The following PRKG1 variants were observed in gnomAD, a reference collection of about 807,000 sequenced individuals.
The protein encoded by PRKG1 is cGMP-dependent protein kinase 1.
In PRKG1, 35 loss-of-function variants were observed where a neutral mutation model predicts 88.1. The observed-to-expected ratio is 0.40, with a 90% CI of 0.30 to 0.53. The LOEUF (loss-of-function observed/expected upper bound fraction) is 0.53. Among genes scored for constraint, PRKG1 ranks in the 20% least tolerant of loss-of-function variants. PRKG1 has a pLI of 0.59. For synonymous variants in PRKG1, 303 were observed against 292.5 expected, an observed-to-expected ratio of 1.04 and a Z score of -0.37; for missense variants, 540 against 839.8, an observed-to-expected ratio of 0.64 and a Z score of 4.41.
chr10:51,088,715 T>A (rs16913683), intron 1 of PRKG1, among the ~76,000 whole-genome samples: 3,135 of 152,134 alleles, frequency 0.021, 94 homozygotes, highest in East Asian at 0.14. Context: ...CAGAAAATAG[T>A]AAGTTACATG....
intron 1 of PRKG1, among the ~76,000 whole-genome samples, chr10:51,040,274 C>A (rs1274567787): frequency 3.6e-5 from 2 of 56,246 alleles, no homozygotes; most frequent in Non-Finnish European, 8.2e-5. Flanking sequence ...GTGTGTGTGA[C>A]CTCTTTAATT....
At chr10:51,927,111 A>G (rs564798149) in intron 5 of PRKG1, among the ~76,000 whole-genome samples, 36 of 152,176 alleles carry the variant, frequency 2.4e-4, no homozygotes, top group Non-Finnish European at 1.8e-4. Flanking sequence ...TCAATAGATG[A>G]TATGGTTTGA....
At chr10:51,766,039 A>G (rs1048929877) in intron 3 of PRKG1, among the ~76,000 whole-genome samples, 1 of 152,006 alleles carries the variant, frequency 6.6e-6, no homozygotes, top group Non-Finnish European at 1.5e-5. Flanking sequence ...AGTCACACCA[A>G]TGCACCACAA....
In PRKG1 at chr10:52,296,789, C is replaced by T. The variant is rs1261585472; in HGVS notation, c.*2889C>T. 1.3e-5 allele frequency: 2 copies of T among 152,038 alleles called. No homozygotes were observed. Among genetic ancestry groups the T allele is most frequent in the Non-Finnish European group, 2.9e-5 (2 of 67,956 alleles). 9.4% of individuals were successfully genotyped at this position (152,038 alleles called of 1,614,324 possible). A position where few individuals can be genotyped will look rare whatever the true frequency, so the allele number is the denominator to read the frequency against. On this transcript the variant is annotated 3_prime_UTR_variant, in exon 18 of 18. Transcript: ENST00000373980. ...TGAAAAAATAATTTCTGGAAAAACG[C>T]TATACATGCTTTTTATGTTTATATC...
At chr10:51,166,798 T>G (rs2131999525) in intron 2 of PRKG1, among the ~76,000 whole-genome samples, 1 of 152,350 alleles carries the variant, frequency 6.6e-6, no homozygotes, top group Admixed American at 6.5e-5. Flanking sequence ...TGTTTCCACC[T>G]GCAGAAAGGG....
intron 7 of PRKG1, among the ~76,000 whole-genome samples, chr10:52,099,663 G>C (rs1847251321): frequency 6.6e-6 from 1 of 152,142 alleles, no homozygotes; most frequent in South Asian, 2.1e-4. Flanking sequence ...TCACACAAAA[G>C]TAAAAAGTGA....
At chr10:51,443,549 A>C (rs1347046415) in intron 2 of PRKG1, among the ~76,000 whole-genome samples, 1 of 152,018 alleles carries the variant, frequency 6.6e-6, no homozygotes, top group African/African-American at 2.4e-5. Context: ...GACTTCTCTG[A>C]TAAAGATAAT....
intron 2 of PRKG1, among the ~76,000 whole-genome samples, chr10:51,306,055 G>A (rs1200863583): frequency 6.6e-6 from 1 of 152,134 alleles, no homozygotes; most frequent in Non-Finnish European, 1.5e-5. Flanking sequence ...CTGGAAAGTA[G>A]ACATTATATG....
intron 3 of PRKG1, among the ~76,000 whole-genome samples, chr10:51,563,361 G>C (rs892805038): frequency 2.2e-4 from 34 of 152,026 alleles, no homozygotes; most frequent in African/African-American, 7.5e-4. Flanking sequence ...TATTTATCCT[G>C]ATCCGATCAC....
intron 3 of PRKG1, among the ~76,000 whole-genome samples, chr10:51,611,651 AT>A (rs763522591): frequency 0.016 from 2,028 of 128,872 alleles, 13 homozygotes; most frequent in African/African-American, 0.033. Context: ...CCATTTGTCT[AT>A]TTTTTTTTTT....
rs566612845 is a variant in PRKG1, at chr10:51,444,098, G to A, written c.479-23625G>A. Among the ~76,000 whole-genome samples the A allele has an allele frequency of 4.6e-5, 7 of 150,700 alleles. No homozygotes were observed. In the South Asian group the frequency reaches 1.3e-3, roughly 27 times the overall value. On this transcript the variant is annotated intron_variant, in intron 2 of 17. Coordinates refer to ENST00000373980, the MANE Select transcript of PRKG1 (RefSeq NM_006258.4). ...CATGATCAGAGGAGGAAAAAAGAGA[G>A]TACAGGAAAAAAAATATGGCAATAT...
At chr10:51,816,832 T>C (rs1330720750) in intron 4 of PRKG1, among the ~76,000 whole-genome samples, 1 of 152,168 alleles carries the variant, frequency 6.6e-6, no homozygotes, top group African/African-American at 2.4e-5. Flanking sequence ...GTTTTCCCTG[T>C]TGGCTGGAGG....
chr10:51,554,646 C>G (rs371199959), intron 3 of PRKG1, among the ~76,000 whole-genome samples: 1 of 150,970 alleles, frequency 6.6e-6, no homozygotes, highest in East Asian at 2.0e-4. Context: ...TCTGTAATCA[C>G]TGGTTTCCTT....
At chr10:51,950,977 C>T (rs750491767) in intron 5 of PRKG1, among the ~76,000 whole-genome samples, 4 of 152,166 alleles carry the variant, frequency 2.6e-5, no homozygotes, top group Non-Finnish European at 5.9e-5. Context: ...AGCTGAGTCC[C>T]GGAGCTTTTA....
chr10:51,771,746 C>T (rs763385910), intron 3 of PRKG1, among the ~76,000 whole-genome samples: 7 of 152,038 alleles, frequency 4.6e-5, no homozygotes, highest in East Asian at 1.9e-4. Flanking sequence ...ATTGCTGAAA[C>T]GTAGGTCCAC....
At chr10:51,728,449 C>CTTTTTTTTTTTTT (rs201683049) in intron 3 of PRKG1, among the ~76,000 whole-genome samples, 5 of 57,916 alleles carry the variant, frequency 8.6e-5, no homozygotes, top group African/African-American at 2.7e-4. Flanking sequence ...TCCATTTTTT[C>CTTTTTTTTTTTTT]TTTGTTTTTT....
intron 4 of PRKG1, among the ~76,000 whole-genome samples, chr10:51,836,063 T>C (rs1403304106): frequency 2.6e-5 from 4 of 152,154 alleles, no homozygotes; most frequent in Non-Finnish European, 5.9e-5. Flanking sequence ...CTCTCCTGAA[T>C]AGCAAAAACA....
At chr10:51,209,404 A>C (rs189537158) in intron 2 of PRKG1, among the ~76,000 whole-genome samples, 3 of 152,280 alleles carry the variant, frequency 2.0e-5, no homozygotes, top group Admixed American at 6.5e-5. Context: ...AAACATCATG[A>C]CTTAAACTGA....
At position 51,841,273 on chromosome 10, in the gene PRKG1, G is replaced by C. The variant is rs1338496345; in HGVS notation, c.698+36583G>C. Reference sequence around the variant, plus strand: ...TTTATTGAACATGGACTCTGTGCTGGGCACTGAACCAGGTTTCAGGACTTC... The same window carrying C: ...TTTATTGAACATGGACTCTGTGCTGCGCACTGAACCAGGTTTCAGGACTTC... On this transcript the variant is annotated intron_variant, in intron 4 of 17. Coordinates refer to ENST00000373980, the MANE Select transcript of PRKG1 (RefSeq NM_006258.4). 3.3e-5 allele frequency among the ~76,000 whole-genome samples: 5 copies of C among 152,096 alleles called. No individual in the cohort carries two copies. In the East Asian group the frequency reaches 5.8e-4, roughly 18 times the overall value.
Sources: gnomAD v4.1 joint callset for allele counts (sites outside exome capture counted in the v4.1 genomes callset) on GRCh38, gnomAD v4.1.1 for gene constraint, MANE v1.5 for transcripts, NCBI Gene and HGNC (gene_info 2026-07-23, HGNC 2026-07-21) for gene names.